C8orf34: variants seen among roughly 807,000 people sequenced by gnomAD.
C8orf34 encodes uncharacterized protein C8orf34.
In C8orf34, 65 loss-of-function variants were observed where a neutral mutation model predicts 68.3. The observed-to-expected ratio is 0.95, with a 90% CI of 0.78 to 1.17. C8orf34 has a LOEUF of 1.17. Ranked by LOEUF, C8orf34 falls within the 50% of genes most tolerant of loss-of-function variation. C8orf34 has a pLI of 0.00. For missense variants in C8orf34, 664 were observed against 655.4 expected (o/e 1.01, Z -0.14); for synonymous variants, 244 against 241.2 (o/e 1.01, Z -0.11).
At chr8:68,401,827 A>G (rs954962778) in intron 1 of C8orf34, among the ~76,000 whole-genome samples, 1 of 151,036 alleles carries the variant, frequency 6.6e-6, no homozygotes, top group Non-Finnish European at 1.5e-5. Context: ...TTTTGCGTCT[A>G]TGTTCATCAG....
intron 8 of C8orf34, among the ~76,000 whole-genome samples, chr8:68,655,789 C>A (rs1165498914): frequency 1.3e-5 from 2 of 152,104 alleles, no homozygotes; most frequent in African/African-American, 4.8e-5. Context: ...AAACCCACAA[C>A]AACAATAGCA....
intron 1 of C8orf34, among the ~76,000 whole-genome samples, chr8:68,433,296 T>A (rs1238587714): frequency 6.6e-6 from 1 of 152,184 alleles, no homozygotes; most frequent in Non-Finnish European, 1.5e-5. Flanking sequence ...CTACAGCTGA[T>A]AACATGCCAT....
chr8:68,783,218 G>C (rs914412471), intron 11 of C8orf34, among the ~76,000 whole-genome samples: 10 of 152,246 alleles, frequency 6.6e-5, no homozygotes, highest in African/African-American at 2.2e-4. Context: ...CTCCCACTCT[G>C]TTCAAAGCCA....
At chr8:68,602,019 A>G (rs541941524) in intron 7 of C8orf34, among the ~76,000 whole-genome samples, 1 of 152,044 alleles carries the variant, frequency 6.6e-6, no homozygotes, top group Admixed American at 6.5e-5. Context: ...AGGTCATCTC[A>G]TTGCCTCCAA....
intron 2 of C8orf34, among the ~76,000 whole-genome samples, chr8:68,445,543 A>G (rs535190936): frequency 2.1e-3 from 315 of 152,294 alleles, no homozygotes; most frequent in Non-Finnish European, 3.1e-3. Context: ...GACAGTGACC[A>G]CCTTCTAAGG....
chr8:68,770,872 T>C (rs1461105214), intron 10 of C8orf34, among the ~76,000 whole-genome samples: 1 of 152,190 alleles, frequency 6.6e-6, no homozygotes, highest in African/African-American at 2.4e-5. Context: ...TATCTTAACA[T>C]AAAAATCTTG....
chr8:68,795,324 C>CTTTTTTTTTTTT (rs59226472), intron 12 of C8orf34, among the ~76,000 whole-genome samples: 2 of 127,408 alleles, frequency 1.6e-5, no homozygotes, highest in Non-Finnish European at 1.7e-5. Flanking sequence ...TTATTGACTG[C>CTTTTTTTTTTTT]TTTTTTTTTT....
At chr8:68,467,681 G>T (rs2129629816) in intron 3 of C8orf34, among the ~76,000 whole-genome samples, 1 of 151,976 alleles carries the variant, frequency 6.6e-6, no homozygotes, top group Non-Finnish European at 1.5e-5. Context: ...AACTCCAGTA[G>T]GAGCTTTCTG....
chr8:68,506,011 A>G (rs1201201139), intron 5 of C8orf34, among the ~76,000 whole-genome samples: 1 of 152,114 alleles, frequency 6.6e-6, no homozygotes, highest in African/African-American at 2.4e-5. Flanking sequence ...ACCAACCTCT[A>G]TTGCATGGTA....
intron 5 of C8orf34, among the ~76,000 whole-genome samples, chr8:68,502,684 G>T (rs1478284458): frequency 6.6e-6 from 1 of 152,114 alleles, no homozygotes; most frequent in African/African-American, 2.4e-5. Flanking sequence ...TTGAGGACAG[G>T]AAATTTCTCT....
At chr8:68,724,398 CA>C (rs1304563992) in intron 10 of C8orf34, among the ~76,000 whole-genome samples, 1 of 152,144 alleles carries the variant, frequency 6.6e-6, no homozygotes, top group Admixed American at 6.6e-5. Flanking sequence ...GTAGTTTCAA[CA>C]CAGGCTGTCT....
chr8:68,341,147 G>A lies in C8orf34; in HGVS notation c.327+9808G>A, dbSNP rs146058469. On this transcript the variant is annotated intron_variant, in intron 1 of 13. Transcript: ENST00000518698. The stretch of plus-strand genomic sequence containing the variant: ...CAAGATCAAGGTGCCTGGCAGATTT[G>A]GTGTCTGGTGAGGGCCCACTTTCTA... Among the ~76,000 whole-genome samples the A allele has an allele frequency of 5.2e-3, 796 of 152,234 alleles. 26 individuals carry two copies. Among genetic ancestry groups the A allele is most frequent in the Admixed American group, 0.047 (726 of 15,294 alleles).
At chr8:68,517,738 T>C (rs2129634131) in intron 5 of C8orf34, among the ~76,000 whole-genome samples, 1 of 152,356 alleles carries the variant, frequency 6.6e-6, no homozygotes, top group East Asian at 1.9e-4. Flanking sequence ...TGGCTTACAG[T>C]GCCTAAACTC....
At chr8:68,347,806 G>C (rs963960700) in intron 1 of C8orf34, among the ~76,000 whole-genome samples, 2 of 151,532 alleles carry the variant, frequency 1.3e-5, no homozygotes, top group Admixed American at 1.3e-4. Context: ...CTTTTTAATG[G>C]AGTTATTTTT....
At chr8:68,530,405 A>G (rs1815193587) in intron 6 of C8orf34, among the ~76,000 whole-genome samples, 1 of 152,134 alleles carries the variant, frequency 6.6e-6, no homozygotes, top group Non-Finnish European at 1.5e-5. Flanking sequence ...GGCTAAAATA[A>G]TACATGAATA....
intron 10 of C8orf34, among the ~76,000 whole-genome samples, chr8:68,756,268 T>C (rs1196764398): frequency 6.6e-6 from 1 of 152,122 alleles, no homozygotes; most frequent in Non-Finnish European, 1.5e-5. Context: ...ATTTGCAGCC[T>C]CAAAGGGATA....
At chr8:68,412,345 A>G (rs1809478272) in intron 1 of C8orf34, among the ~76,000 whole-genome samples, 1 of 152,166 alleles carries the variant, frequency 6.6e-6, no homozygotes, top group South Asian at 2.1e-4. Context: ...TAATAGTAGT[A>G]TAGTTTTCCT....
chr8:68,556,947 G>C (rs780787563), intron 7 of C8orf34, among the ~76,000 whole-genome samples: 17 of 152,034 alleles, frequency 1.1e-4, no homozygotes, highest in Admixed American at 6.5e-4. Context: ...AAATAAGAAT[G>C]CTTATAATAA....
chr8:68,470,705 C>A (rs1292310242), intron 4 of C8orf34, among the ~76,000 whole-genome samples: 1 of 152,014 alleles, frequency 6.6e-6, no homozygotes, highest in Non-Finnish European at 1.5e-5. Flanking sequence ...CTGATGAGGA[C>A]CTGTTTCTTG....
Sources: allele counts gnomAD v4.1 joint callset (sites outside exome capture counted in the v4.1 genomes callset), GRCh38; gene constraint gnomAD v4.1.1; transcripts MANE v1.5; gene names NCBI Gene and HGNC (gene_info 2026-07-23, HGNC 2026-07-21).